ROBO1: variants seen among roughly 807,000 people sequenced by gnomAD.
The protein encoded by ROBO1 is roundabout homolog 1.
Under a neutral mutation model 195.9 loss-of-function variants are expected in ROBO1, and 149 were observed. That is an observed-to-expected ratio of 0.76 (90% CI 0.67 to 0.87). The LOEUF (loss-of-function observed/expected upper bound fraction) is 0.87, where lower values mean the gene tolerates loss of function less well. Among genes scored for constraint, ROBO1 ranks in the 40% least tolerant of loss-of-function variants. The pLI, the probability that ROBO1 is intolerant of heterozygous loss-of-function variation, is 0.00. For missense variants in ROBO1, 1,933 were observed against 2,068.3 expected, an observed-to-expected ratio of 0.93 and a Z score of 1.27; for synonymous variants, 816 against 733.2, an observed-to-expected ratio of 1.11 and a Z score of -1.82.
chr3:78,936,961 G>T (rs1249480519), intron 4 of ROBO1, among the ~76,000 whole-genome samples: 1 of 152,058 alleles, frequency 6.6e-6, no homozygotes, highest in Non-Finnish European at 1.5e-5. Context: ...ATAAGAGAAA[G>T]GTCATAAGTT....
chr3:78,644,418 GAATA>G (rs1218509785), intron 21 of ROBO1, among the ~76,000 whole-genome samples: 7 of 152,086 alleles, frequency 4.6e-5, no homozygotes, highest in African/African-American at 1.7e-4. Flanking sequence ...TATATTGCAT[GAATA>G]AATAATTCTA....
At chr3:78,775,569 CAGA>C (rs1027733218) in intron 4 of ROBO1, among the ~76,000 whole-genome samples, 19 of 152,292 alleles carry the variant, frequency 1.2e-4, no homozygotes, top group African/African-American at 4.6e-4. Flanking sequence ...GGCAAATTTA[CAGA>C]AGAAGAAGCA....
chr3:78,734,982 G>A (rs543113178), intron 5 of ROBO1, among the ~76,000 whole-genome samples: 1 of 152,200 alleles, frequency 6.6e-6, no homozygotes, highest in Non-Finnish European at 1.5e-5. Context: ...GGACAAAAAT[G>A]GGCATGCAGA....
intron 2 of ROBO1, among the ~76,000 whole-genome samples, chr3:79,314,291 C>T (rs756253756): frequency 2.6e-4 from 39 of 152,196 alleles, no homozygotes; most frequent in Non-Finnish European, 5.9e-5. Context: ...ACCCAAATCA[C>T]ATCTTGAACT....
intron 2 of ROBO1, among the ~76,000 whole-genome samples, chr3:79,239,638 G>A (rs933945278): frequency 6.6e-6 from 1 of 152,112 alleles, no homozygotes; most frequent in South Asian, 2.1e-4. Context: ...GGGAGAGGAC[G>A]GGGCACTGCC....
intron 2 of ROBO1, among the ~76,000 whole-genome samples, chr3:79,282,827 G>A (rs76384154): frequency 4.3e-4 from 66 of 152,192 alleles, no homozygotes; most frequent in African/African-American, 1.5e-3. Flanking sequence ...ATTTAAAGCC[G>A]TAAAACCAGA....
chr3:79,244,047 A>G (rs2082574339), intron 2 of ROBO1, among the ~76,000 whole-genome samples: 1 of 152,144 alleles, frequency 6.6e-6, no homozygotes, highest in African/African-American at 2.4e-5. Context: ...CTTTCTGCAT[A>G]TGGCTAACCC....
intron 19 of ROBO1, 69 bp downstream of exon 19, chr3:78,651,663 T>C: frequency 8.0e-7 from 1 of 1,256,370 alleles, no homozygotes; most frequent in South Asian, 1.7e-5. Context: ...CATGAATAAT[T>C]TGGAATCAAA....
At chr3:79,551,075 C>G (rs74925255) in intron 2 of ROBO1, among the ~76,000 whole-genome samples, 2,206 of 152,128 alleles carry the variant, frequency 0.015, 45 homozygotes, top group African/African-American at 0.049. Flanking sequence ...AGATGTTGGT[C>G]TCTGGATTTT....
intron 2 of ROBO1, among the ~76,000 whole-genome samples, chr3:79,197,367 C>G (rs144407662): frequency 1.8e-3 from 280 of 152,128 alleles, no homozygotes; most frequent in African/African-American, 6.4e-3. Context: ...AGGACATGAA[C>G]TCATCCTTTT....
At chr3:79,341,835 A>G (rs1275901178) in intron 2 of ROBO1, among the ~76,000 whole-genome samples, 1 of 152,172 alleles carries the variant, frequency 6.6e-6, no homozygotes, top group African/African-American at 2.4e-5. Flanking sequence ...TGCCGTTCCT[A>G]CTTTTTAATA....
chr3:79,677,570 C>T (rs1946822493), intron 1 of ROBO1, among the ~76,000 whole-genome samples: 1 of 152,004 alleles, frequency 6.6e-6, no homozygotes, highest in African/African-American at 2.4e-5. Context: ...TCAATTATCT[C>T]CTAGTGGGTC....
intron 3 of ROBO1, among the ~76,000 whole-genome samples, chr3:78,946,844 G>T (rs1426347905): frequency 2.0e-5 from 3 of 151,636 alleles, no homozygotes; most frequent in Non-Finnish European, 2.9e-5. Context: ...CAAGCAAATG[G>T]AAAACAAAAA....
At chr3:78,783,068 C>A (rs901564558) in intron 4 of ROBO1, among the ~76,000 whole-genome samples, 1 of 152,084 alleles carries the variant, frequency 6.6e-6, no homozygotes, top group South Asian at 2.1e-4. Flanking sequence ...TTATTTATTT[C>A]CCTTTTTAAA....
At chr3:79,606,644 G>A (rs1371301012) in intron 1 of ROBO1, among the ~76,000 whole-genome samples, 1 of 151,778 alleles carries the variant, frequency 6.6e-6, no homozygotes, top group African/African-American at 2.4e-5. Context: ...TATGACTCCT[G>A]GACAGCCTTA....
At chr3:79,299,429 A>C (rs1409985099) in intron 2 of ROBO1, among the ~76,000 whole-genome samples, 1 of 152,186 alleles carries the variant, frequency 6.6e-6, no homozygotes, top group Non-Finnish European at 1.5e-5. Flanking sequence ...ACTTGACTGA[A>C]TTCCTGACAA....
intron 2 of ROBO1, among the ~76,000 whole-genome samples, chr3:79,525,875 G>C (rs554976882): frequency 6.6e-6 from 1 of 152,076 alleles, no homozygotes; most frequent in South Asian, 2.1e-4. Flanking sequence ...CTCCCAAAGT[G>C]CTGGGATTAC....
intron 2 of ROBO1, among the ~76,000 whole-genome samples, chr3:79,451,105 G>A (rs80224537): frequency 0.035 from 5,254 of 151,460 alleles, 206 homozygotes; most frequent in African/African-American, 0.099. Context: ...ATATTTTACC[G>A]TAGACTTAAA....
intron 2 of ROBO1, among the ~76,000 whole-genome samples, chr3:79,227,173 C>T (rs553136089): frequency 6.6e-6 from 1 of 152,226 alleles, no homozygotes; most frequent in Admixed American, 6.5e-5. Context: ...GTCTTTGTGA[C>T]ACCCCCTATT....
Sources: allele counts gnomAD v4.1 joint callset (sites outside exome capture counted in the v4.1 genomes callset), GRCh38; gene constraint gnomAD v4.1.1; transcripts MANE v1.5; gene names NCBI Gene and HGNC (gene_info 2026-07-23, HGNC 2026-07-21).